The following SEMA5A variants were observed in gnomAD, a reference collection of about 807,000 sequenced individuals.
The protein encoded by SEMA5A is semaphorin-5A.
Under a neutral mutation model 135.5 loss-of-function variants are expected in SEMA5A, and 55 were observed. The observed-to-expected ratio is 0.41, with a 90% confidence interval of 0.33 to 0.51. SEMA5A has a LOEUF of 0.51. SEMA5A is among the 20% of genes least tolerant of loss of function. The probability of loss-of-function intolerance (pLI) is 0.37; values close to 1 mark genes in which losing one functional copy is unlikely to be tolerated. For synonymous variants in SEMA5A, 580 were observed against 546.5 expected (o/e 1.06, Z -0.85); for missense variants, 1,290 against 1,419.9 (o/e 0.91, Z 1.47).
chr5:9,229,139 C>T (rs1216711878), intron 6 of SEMA5A, among the ~76,000 whole-genome samples: 2 of 152,184 alleles, frequency 1.3e-5, no homozygotes, highest in African/African-American at 2.4e-5. Flanking sequence ...GATTATCCTC[C>T]TAACATTATT....
At position 9,040,641 on chromosome 5, in the gene SEMA5A, G is replaced by GGTTT. The variant is rs1283737584; in HGVS notation, c.*2252_*2255dup. On this transcript the variant is annotated 3_prime_UTR_variant, in exon 23 of 23. Coordinates refer to ENST00000382496, the MANE Select transcript of SEMA5A (RefSeq NM_003966.3). ...ATTCTTTTGCAATGCTAATTTCAAA[G>GGTTT]GTTTGTTTATATTATTAACAACATG... 3 of 152,170 alleles carry GGTTT rather than the reference G, an allele frequency of 2.0e-5. No individual in the cohort carries two copies. The highest frequency in any genetic ancestry group is 4.8e-5 in the African/African-American group (2 of 41,432). 9.4% of individuals were successfully genotyped at this position (152,170 alleles called of 1,614,324 possible). A position where few individuals can be genotyped will look rare whatever the true frequency, so the allele number is the denominator to read the frequency against.
chr5:9,158,565 G>A (rs1579506304), intron 11 of SEMA5A, among the ~76,000 whole-genome samples: 1 of 151,468 alleles, frequency 6.6e-6, no homozygotes, highest in African/African-American at 2.4e-5. Flanking sequence ...AAGGAGAGAC[G>A]ACAATGTGAG....
chr5:9,073,197 T>C (rs1028291027), intron 16 of SEMA5A, among the ~76,000 whole-genome samples: 4 of 152,150 alleles, frequency 2.6e-5, no homozygotes, highest in African/African-American at 7.2e-5. Context: ...TGAATGTAGA[T>C]GTTAACATTC....
intron 13 of SEMA5A, among the ~76,000 whole-genome samples, chr5:9,134,295 A>G (rs1008359917): frequency 6.6e-6 from 1 of 152,210 alleles, no homozygotes; most frequent in Admixed American, 6.5e-5. Flanking sequence ...ACACGTATGC[A>G]CCATCATGCC....
At chr5:9,162,149 A>C (rs1426211103) in intron 11 of SEMA5A, among the ~76,000 whole-genome samples, 1 of 152,170 alleles carries the variant, frequency 6.6e-6, no homozygotes, top group Non-Finnish European at 1.5e-5. Context: ...CAAGAAGTCA[A>C]GTTAGTTCCT....
intron 5 of SEMA5A, among the ~76,000 whole-genome samples, chr5:9,240,077 A>C (rs1227375510): frequency 6.6e-6 from 1 of 152,090 alleles, no homozygotes; most frequent in Non-Finnish European, 1.5e-5. Context: ...AGAATGTGAG[A>C]GTTTTAAAAA....
At chr5:9,202,376 CCCCGT>C in intron 8 of SEMA5A, 136 bp from the exon 9 acceptor site, 21 of 657,184 alleles carry the variant, frequency 3.2e-5, no homozygotes, top group South Asian at 1.4e-4. Flanking sequence ...TATTGGGAGG[CCCCGT>C]GAGCAGCTTA....
intron 6 of SEMA5A, among the ~76,000 whole-genome samples, chr5:9,230,009 A>G (rs1020233102): frequency 1.3e-5 from 2 of 152,112 alleles, no homozygotes; most frequent in African/African-American, 4.8e-5. Flanking sequence ...TTTTGAGACA[A>G]GGGTTCACTC....
chr5:9,386,024 A>T (rs981183322), intron 2 of SEMA5A, among the ~76,000 whole-genome samples: 1 of 151,514 alleles, frequency 6.6e-6, no homozygotes, highest in Non-Finnish European at 1.5e-5. Context: ...CTAGTCTTGA[A>T]CTCATGACCT....
At chr5:9,294,093 G>A (rs577165305) in intron 5 of SEMA5A, among the ~76,000 whole-genome samples, 8 of 115,442 alleles carry the variant, frequency 6.9e-5, no homozygotes, top group Non-Finnish European at 3.8e-5. Context: ...AATGAAACAG[G>A]GAACAAAAGC....
At chr5:9,122,622 C>G in intron 14 of SEMA5A, 34 bp downstream of exon 14, 1 of 1,489,648 alleles carries the variant, frequency 6.7e-7, no homozygotes, top group Admixed American at 2.1e-5. Context: ...GTTTAATACA[C>G]AGCAGCACAA....
In SEMA5A at chr5:9,438,991, C is replaced by T. The variant is rs547095580; in HGVS notation, c.-174-1139G>A. ...TGGCACTGCCTCTCTATGAGTCTCCCTTCCTCCAGGACGGGCCTTTGGTAT... is the reference window on the plus strand; with the variant it reads ...TGGCACTGCCTCTCTATGAGTCTCCTTTCCTCCAGGACGGGCCTTTGGTAT... On this transcript the variant is annotated intron_variant, in intron 1 of 22. Transcript: ENST00000382496. 2.8e-3 allele frequency among the ~76,000 whole-genome samples: 421 copies of T among 152,284 alleles called. 2 individuals carry two copies. Among genetic ancestry groups the T allele is most frequent in the African/African-American group, 9.8e-3 (409 of 41,578 alleles).
intron 2 of SEMA5A, among the ~76,000 whole-genome samples, chr5:9,424,251 T>C (rs1378615302): frequency 6.6e-6 from 1 of 152,218 alleles, no homozygotes; most frequent in Non-Finnish European, 1.5e-5. Context: ...TTATTTCCTA[T>C]AGCCAGAATG....
chr5:9,157,098 T>G (rs1464726167), intron 11 of SEMA5A, among the ~76,000 whole-genome samples: 2 of 152,264 alleles, frequency 1.3e-5, no homozygotes, highest in Non-Finnish European at 2.9e-5. Context: ...CCGTGCATCC[T>G]TCACTCCCTG....
intron 5 of SEMA5A, among the ~76,000 whole-genome samples, chr5:9,287,623 A>G (rs1291724836): frequency 6.6e-6 from 1 of 152,222 alleles, no homozygotes; most frequent in Non-Finnish European, 1.5e-5. Context: ...TTGGCAAACT[A>G]TAGTCAGCAG....
chr5:9,228,186 G>A (rs768367214), intron 6 of SEMA5A, among the ~76,000 whole-genome samples: 19 of 152,188 alleles, frequency 1.2e-4, no homozygotes, highest in Non-Finnish European at 2.5e-4. Context: ...AGGACACACA[G>A]AGGAATAGCA....
At chr5:9,078,460 AG>A (rs1233827510) in intron 16 of SEMA5A, among the ~76,000 whole-genome samples, 1 of 152,160 alleles carries the variant, frequency 6.6e-6, no homozygotes, top group African/African-American at 2.4e-5. Context: ...AGGTTTCAGC[AG>A]GACTGTCATG....
At chr5:9,483,258 CT>C (rs1759944794) in intron 1 of SEMA5A, among the ~76,000 whole-genome samples, 1 of 152,090 alleles carries the variant, frequency 6.6e-6, no homozygotes, top group African/African-American at 2.4e-5. Context: ...CCAAGTATCT[CT>C]ATATATCTCT....
chr5:9,396,777 G>C (rs1357646586), intron 2 of SEMA5A, among the ~76,000 whole-genome samples: 1 of 152,052 alleles, frequency 6.6e-6, no homozygotes, highest in African/African-American at 2.4e-5. Context: ...AACCCTCCCT[G>C]GTCCTTCCCC....
Sources: gnomAD v4.1 joint callset for allele counts (sites outside exome capture counted in the v4.1 genomes callset) on GRCh38, gnomAD v4.1.1 for gene constraint, MANE v1.5 for transcripts, NCBI Gene and HGNC (gene_info 2026-07-23, HGNC 2026-07-21) for gene names.